The following ZNF676 variants were observed in gnomAD, a reference collection of about 807,000 sequenced individuals.
ZNF676 encodes the protein zinc finger protein 676.
A neutral mutation model predicts 6.0 loss-of-function variants in ZNF676; 4 were observed. That is an observed-to-expected ratio of 0.67 (90% CI 0.33 to 1.53). The LOEUF is 1.53. ZNF676 is among the 40% of genes most tolerant of loss of function. The pLI is 0.06. For synonymous variants in ZNF676, 198 were observed against 223.1 expected (o/e 0.89, Z 1.00); for missense variants, 644 against 679.7 (o/e 0.95, Z 0.58).
At chr19:22,183,266 C>T (rs2023786952) in intron 2 of ZNF676, among the ~76,000 whole-genome samples, 1 of 152,130 alleles carries the variant, frequency 6.6e-6, no homozygotes, top group African/African-American at 2.4e-5. Context: ...AAAAGTAACT[C>T]CTTTACTTTC....
At chr19:22,255,657 A>G in the ZNF676 span, among the ~76,000 whole-genome samples, 1 of 152,072 alleles carries the variant, frequency 6.6e-6, no homozygotes, top group Admixed American at 6.6e-5. Flanking sequence ...CATCCTGGCT[A>G]ACACGGTGAA....
At chr19:22,200,840 C>T (rs1384984721), upstream of ZNF676, among the ~76,000 whole-genome samples, 4 of 152,066 alleles carry the variant, frequency 2.6e-5, no homozygotes, top group African/African-American at 9.7e-5. Context: ...TGAGACACTG[C>T]ACCCAGCCTG....
intron 2 of ZNF676, among the ~76,000 whole-genome samples, chr19:22,189,958 TG>T (rs1472808831): frequency 6.6e-6 from 1 of 152,142 alleles, no homozygotes; most frequent in African/African-American, 2.4e-5. Flanking sequence ...TGGAAGACAA[TG>T]TGGCGATTCC....
the ZNF676 span, among the ~76,000 whole-genome samples, chr19:22,223,331 G>A: frequency 2.0e-5 from 3 of 152,266 alleles, no homozygotes; most frequent in South Asian, 6.2e-4. Context: ...TTTTAGAGAT[G>A]AAGTCTTTCT....
At chr19:22,209,675 G>A (rs1341849638) in intron 1 of ZNF676, among the ~76,000 whole-genome samples, 2 of 152,076 alleles carry the variant, frequency 1.3e-5, no homozygotes, top group East Asian at 1.9e-4. Context: ...AAAATCCCTC[G>A]ATTGGAGAGA....
At chr19:22,234,157 C>T in the ZNF676 span, among the ~76,000 whole-genome samples, 2 of 152,190 alleles carry the variant, frequency 1.3e-5, no homozygotes, top group South Asian at 2.1e-4. Flanking sequence ...CACTGTCTTT[C>T]AGGGATGTCC....
At chr19:22,199,641 T>C (rs2024004252), upstream of ZNF676, among the ~76,000 whole-genome samples, 1 of 152,252 alleles carries the variant, frequency 6.6e-6, no homozygotes, top group East Asian at 1.9e-4. Flanking sequence ...ATGCATAGAA[T>C]AAAAGCTAAC....
intron 2 of ZNF676, among the ~76,000 whole-genome samples, chr19:22,185,872 A>G (rs562193268): frequency 2.0e-5 from 3 of 152,154 alleles, no homozygotes; most frequent in East Asian, 3.9e-4. Context: ...TCCAAGAAAT[A>G]TGGGACTATG....
At chr19:22,253,643 G>C in the ZNF676 span, among the ~76,000 whole-genome samples, 1 of 151,756 alleles carries the variant, frequency 6.6e-6, no homozygotes, top group Non-Finnish European at 1.5e-5. Flanking sequence ...CAGGTAGAAA[G>C]GATCTAACTT....
chr19:22,180,258 TA>T lies in ZNF676; in HGVS notation c.1458del (p.Phe486LeufsTer12), dbSNP rs2023714472. Reference protein sequence around the residue: ...PYKCEECGKGFSTFSILTKHK... With the variant: ...PYKCEECGKGXSTFSILTKHK... ...TGTTTAGTAAGGATTGAGAACGTAC[TA>T]AAGCCTTTGCCACATTCTTCACATT... On this transcript the variant is annotated frameshift_variant, in exon 3 of 3. Transcript: ENST00000397121. LOFTEE classifies it low-confidence loss of function (END_TRUNC). 1 of 1,612,640 alleles carries T rather than the reference TA, an allele frequency of 6.2e-7. No individual in the cohort carries two copies. The highest frequency in any genetic ancestry group is 1.3e-5 in the African/African-American group (1 of 74,918).
At chr19:22,205,078 T>C (rs915250722) in intron 1 of ZNF676, among the ~76,000 whole-genome samples, 1 of 152,102 alleles carries the variant, frequency 6.6e-6, no homozygotes, top group African/African-American at 2.4e-5. Context: ...GCACACTGTG[T>C]GCACTTAAAA....
chr19:22,187,387 T>G (rs2023852691), intron 2 of ZNF676, among the ~76,000 whole-genome samples: 1 of 152,132 alleles, frequency 6.6e-6, no homozygotes. Context: ...TCTACAAAAT[T>G]TGTAGCACTA....
chr19:22,228,677 G>A, the ZNF676 span, among the ~76,000 whole-genome samples: 34 of 152,222 alleles, frequency 2.2e-4, no homozygotes, highest in Admixed American at 1.0e-3. Flanking sequence ...CAAAATCAAT[G>A]TGCAAAAATC....
the ZNF676 span, among the ~76,000 whole-genome samples, chr19:22,248,901 T>C: frequency 6.6e-6 from 1 of 152,090 alleles, no homozygotes; most frequent in Non-Finnish European, 1.5e-5. Flanking sequence ...GGCTAATTTT[T>C]GTATTTTTAG....
intron 2 of ZNF676, among the ~76,000 whole-genome samples, chr19:22,182,254 A>T (rs2023766458): frequency 6.6e-6 from 1 of 152,144 alleles, no homozygotes; most frequent in Non-Finnish European, 1.5e-5. Context: ...CATAATCTCT[A>T]GCCAAGACCA....
the ZNF676 span, among the ~76,000 whole-genome samples, chr19:22,259,417 A>G: frequency 6.6e-6 from 1 of 152,172 alleles, no homozygotes; most frequent in African/African-American, 2.4e-5. Flanking sequence ...CCTTTTGTGG[A>G]CAGGACCCAG....
At chr19:22,240,572 T>G in the ZNF676 span, among the ~76,000 whole-genome samples, 1 of 151,830 alleles carries the variant, frequency 6.6e-6, no homozygotes, top group Non-Finnish European at 1.5e-5. Context: ...GGAGGGTGGA[T>G]CACCTGAGAT....
chr19:22,234,008 C>A, the ZNF676 span, among the ~76,000 whole-genome samples: 1 of 152,312 alleles, frequency 6.6e-6, no homozygotes, highest in East Asian at 1.9e-4. Flanking sequence ...CTTCCAAGTC[C>A]CTGGCAATCC....
upstream of ZNF676, among the ~76,000 whole-genome samples, chr19:22,200,335 A>T (rs145590215): frequency 1.3e-5 from 2 of 152,190 alleles, no homozygotes; most frequent in Non-Finnish European, 1.5e-5. Context: ...TCTTCCAATT[A>T]TAAGTTCAGG....
Sources: gnomAD v4.1 joint callset for allele counts (sites outside exome capture counted in the v4.1 genomes callset) on GRCh38, gnomAD v4.1.1 for gene constraint, MANE v1.5 for transcripts, NCBI Gene and HGNC (gene_info 2026-07-23, HGNC 2026-07-21) for gene names.